XKR9: variants seen among roughly 807,000 people sequenced by gnomAD.
XKR9 encodes XK-related protein 9.
XKR9 carries 32 observed loss-of-function variants against 32.0 expected under a neutral mutation model. The observed-to-expected ratio is 1.00, with a 90% CI of 0.76 to 1.34. XKR9 has a LOEUF of 1.34. Among genes scored for constraint, XKR9 ranks in the 40% most tolerant of loss-of-function variants. The pLI is 0.00. For synonymous variants in XKR9, 168 were observed against 143.4 expected (o/e 1.17, Z -1.22); for missense variants, 546 against 429.7 (o/e 1.27, Z -2.39).
At chr8:70,872,900 T>G in the XKR9 span, among the ~76,000 whole-genome samples, 1 of 152,186 alleles carries the variant, frequency 6.6e-6, no homozygotes, top group East Asian at 1.9e-4. Flanking sequence ...CCTCAGGTGA[T>G]CTGCCTGCCT....
intron 2 of XKR9, among the ~76,000 whole-genome samples, chr8:70,781,269 T>C (rs193238869): frequency 6.6e-6 from 1 of 152,272 alleles, no homozygotes; most frequent in East Asian, 1.9e-4. Flanking sequence ...AATTGGGTTA[T>C]TTGTCTCTTT....
the XKR9 span, among the ~76,000 whole-genome samples, chr8:71,039,333 T>G: frequency 1.3e-5 from 2 of 152,202 alleles, no homozygotes; most frequent in Non-Finnish European, 2.9e-5. Flanking sequence ...ACATCATAGG[T>G]GTTAGCCTAG....
the XKR9 span, among the ~76,000 whole-genome samples, chr8:70,970,408 T>G: frequency 1.3e-5 from 2 of 152,130 alleles, no homozygotes; most frequent in Admixed American, 1.3e-4. Flanking sequence ...CATGGTGGTT[T>G]GCTGTACCCA....
At chr8:70,683,033 A>G (rs1012611152) in intron 3 of XKR9, among the ~76,000 whole-genome samples, 1 of 152,238 alleles carries the variant, frequency 6.6e-6, no homozygotes, top group Non-Finnish European at 1.5e-5. Context: ...TTGCTTGGGC[A>G]GAATCCAGGT....
chr8:70,981,283 A>G, the XKR9 span, among the ~76,000 whole-genome samples: 1 of 152,152 alleles, frequency 6.6e-6, no homozygotes, highest in Non-Finnish European at 1.5e-5. Context: ...AGTTATTCTT[A>G]GGTTTGGATG....
the XKR9 span, among the ~76,000 whole-genome samples, chr8:70,860,408 C>G: frequency 6.6e-6 from 1 of 152,064 alleles, no homozygotes; most frequent in Admixed American, 6.6e-5. Flanking sequence ...ATGATGGCAC[C>G]CTTATCTCAG....
the XKR9 span, among the ~76,000 whole-genome samples, chr8:70,824,271 A>T: frequency 2.0e-5 from 3 of 152,272 alleles, 1 homozygote; most frequent in South Asian, 6.2e-4. Flanking sequence ...TGGTAAGTAA[A>T]CAATACTTAT....
At chr8:70,832,360 G>A in the XKR9 span, among the ~76,000 whole-genome samples, 1 of 152,092 alleles carries the variant, frequency 6.6e-6, no homozygotes, top group African/African-American at 2.4e-5. Flanking sequence ...AAAGAGAAAT[G>A]GAAAGTACGT....
the XKR9 span, among the ~76,000 whole-genome samples, chr8:70,842,668 T>C: frequency 6.6e-6 from 1 of 152,148 alleles, no homozygotes; most frequent in Non-Finnish European, 1.5e-5. Context: ...CTCATTATCA[T>C]TAATTTGCCT....
At chr8:70,730,054 A>T (rs983493033) in intron 4 of XKR9, among the ~76,000 whole-genome samples, 3 of 152,156 alleles carry the variant, frequency 2.0e-5, no homozygotes, top group Admixed American at 1.3e-4. Flanking sequence ...ACTTGAAAAA[A>T]ATATATTTTT....
the XKR9 span, among the ~76,000 whole-genome samples, chr8:70,820,189 A>G: frequency 2.4e-4 from 36 of 152,310 alleles, no homozygotes; most frequent in Admixed American, 9.1e-4. Flanking sequence ...ACCTCTAAGG[A>G]TAGTAAGAGA....
At chr8:70,785,248 G>A (rs62508780) in intron 2 of XKR9, among the ~76,000 whole-genome samples, 9,569 of 151,762 alleles carry the variant, frequency 0.063, 422 homozygotes, top group Non-Finnish European at 0.089. Context: ...GATTTTATGC[G>A]TCTAGGAATT....
chr8:70,772,989 G>A (rs1807473936), intron 2 of XKR9, among the ~76,000 whole-genome samples: 1 of 152,070 alleles, frequency 6.6e-6, no homozygotes, highest in South Asian at 2.1e-4. Context: ...GAAATCAATA[G>A]GTCATGAAAA....
In XKR9 at chr8:70,680,967, T is replaced by C. The variant is rs1466601953; in HGVS notation, c.-92T>C. 5 of 1,225,754 alleles carry C rather than the reference T, an allele frequency of 4.1e-6. No homozygotes were observed. In the African/African-American group the frequency reaches 7.6e-5, roughly 19 times the overall value. The allele number at this position is 1,225,754 out of a possible 1,614,324, so 75.9% of individuals were successfully genotyped here. A position where few individuals can be genotyped will look rare whatever the true frequency, so the allele number is the denominator to read the frequency against. ...GGGAGTAGAAATTAAAATTCAATGC[T>C]ATACCAAAGGGTATACTAATATTTG... On this transcript the variant is annotated 5_prime_UTR_variant, in exon 3 of 5. Coordinates refer to ENST00000408926, the MANE Select transcript of XKR9 (RefSeq NM_001011720.2).
chr8:71,019,918 A>G, the XKR9 span, among the ~76,000 whole-genome samples: 1 of 152,228 alleles, frequency 6.6e-6, no homozygotes, highest in Non-Finnish European at 1.5e-5. Flanking sequence ...GTAAAGTCAT[A>G]TAAAATACTG....
At chr8:71,011,418 G>T in the XKR9 span, among the ~76,000 whole-genome samples, 1 of 152,092 alleles carries the variant, frequency 6.6e-6, no homozygotes, top group Non-Finnish European at 1.5e-5. Flanking sequence ...ATAAAAAAAA[G>T]ACAAAATCTT....
the XKR9 span, among the ~76,000 whole-genome samples, chr8:70,966,150 T>G: frequency 2.0e-5 from 3 of 152,330 alleles, no homozygotes; most frequent in African/African-American, 4.8e-5. Context: ...ACTTCTTGAT[T>G]TCTGCCTTAA....
chr8:70,918,720 A>C, the XKR9 span, among the ~76,000 whole-genome samples: 1 of 151,320 alleles, frequency 6.6e-6, no homozygotes, highest in East Asian at 1.9e-4. Context: ...ACAAAAACAA[A>C]AAACTAGAGG....
chr8:70,906,459 T>A, the XKR9 span, among the ~76,000 whole-genome samples: 3 of 152,236 alleles, frequency 2.0e-5, no homozygotes, highest in African/African-American at 7.2e-5. Flanking sequence ...TTGTAACACA[T>A]TAGCTTCTGT....
Sources: allele counts gnomAD v4.1 joint callset (sites outside exome capture counted in the v4.1 genomes callset), GRCh38; gene constraint gnomAD v4.1.1; transcripts MANE v1.5; gene names NCBI Gene and HGNC (gene_info 2026-07-23, HGNC 2026-07-21).